Variants in LPIN2 observed in about 807,000 individuals in gnomAD.
LPIN2 encodes lipin 2.
LPIN2 carries 55 observed loss-of-function variants against 111.4 expected under a neutral mutation model. That is an observed-to-expected ratio of 0.49 (90% CI 0.40 to 0.62). The LOEUF (loss-of-function observed/expected upper bound fraction) is 0.62, where lower values mean the gene tolerates loss of function less well. Among genes scored for constraint, LPIN2 ranks in the 20% least tolerant of loss-of-function variants. The pLI, the probability that LPIN2 is intolerant of heterozygous loss-of-function variation, is 0.00. For missense variants in LPIN2, 992 were observed against 1,112.1 expected (o/e 0.89, Z 1.54); for synonymous variants, 425 against 414.0 (o/e 1.03, Z -0.32).
rs145740705 is a variant in LPIN2 at position 2,943,429 on chromosome 18, C to CGTGTGT, written c.591-2723_591-2718dup. 2.5e-3 allele frequency among the ~76,000 whole-genome samples: 360 copies of CGTGTGT among 142,250 alleles called. 1 individual carries two copies. The highest frequency in any genetic ancestry group is 7.7e-3 in the African/African-American group (307 of 39,640). 93.3% of individuals were successfully genotyped at this position (142,250 alleles called of 152,430 possible). On this transcript the variant is annotated intron_variant, in intron 4 of 19. Transcript: ENST00000677752. ...GTAACCAGACTAAATATAAAAGCTG[C>CGTGTGT]GTGTGTGTGTGTGTGTGTGTGTGTG... is the stretch of plus-strand genomic sequence containing the variant.
At chr18:2,971,313 G>C (rs1418536224) in intron 1 of LPIN2, among the ~76,000 whole-genome samples, 1 of 152,196 alleles carries the variant, frequency 6.6e-6, no homozygotes. Context: ...TGAATCCCCA[G>C]AGCACAAAGG....
rs116485090 is a variant in LPIN2 at position 2,923,927 on chromosome 18, G to C, written c.2088-66C>G. On this transcript the variant is annotated intron_variant, in intron 15 of 19. Transcript: ENST00000677752. Reference sequence around the variant, plus strand: ...AACACATACAGCGTTTTCCTATTTGGTTGACTATCAGCTGCCAATAACTAA... The same window carrying C: ...AACACATACAGCGTTTTCCTATTTGCTTGACTATCAGCTGCCAATAACTAA... 3,287 of 1,315,838 alleles carry C rather than the reference G, an allele frequency of 2.5e-3. 67 individuals are homozygous for C. In the African/African-American group the frequency reaches 0.04, roughly 16 times the overall value. The allele number at this position is 1,315,838 out of a possible 1,614,324, so 81.5% of individuals were successfully genotyped here. A position where few individuals can be genotyped will look rare whatever the true frequency, so the allele number is the denominator to read the frequency against.
intron 4 of LPIN2, among the ~76,000 whole-genome samples, chr18:2,945,393 T>TA (rs1212340125): frequency 2.0e-5 from 3 of 152,184 alleles, no homozygotes; most frequent in African/African-American, 7.2e-5. Context: ...CACAAAAAGA[T>TA]AAACTGACTT....
chr18:2,920,867 G>A lies in LPIN2; in HGVS notation c.2457C>T (p.Tyr819=). The A allele has an allele frequency of 6.2e-7, 1 of 1,612,812 alleles. No individual in the cohort carries two copies. Among genetic ancestry groups the A allele is most frequent in the Non-Finnish European group, 8.5e-7 (1 of 1,178,760 alleles). The change falls in exon 19 of 20, where the codon TAC becomes TAT. Residue 819 remains tyrosine (Y), a synonymous_variant. Transcript: ENST00000677752. The part of the protein sequence containing the change: ...FGNRPNDVYA[Y]TQVGVPDCRI... ...TACAGTCTGGAACTCCAACTTGTGT[G>A]TAGGCATAGACATCCTGCAGAAGAA...
chr18:2,940,462 T>C, intron 5 of LPIN2, 143 bp downstream of exon 5: 1 of 611,054 alleles, frequency 1.6e-6, no homozygotes, highest in Middle Eastern at 4.4e-4. Context: ...AGAGAAAAGA[T>C]TCATATTTAT....
chr18:3,000,973 G>C (rs73939705), intron 1 of LPIN2, among the ~76,000 whole-genome samples: 3 of 138,742 alleles, frequency 2.2e-5, no homozygotes, highest in African/African-American at 7.9e-5. Flanking sequence ...GGGAAAAAGA[G>C]GGGGGAGAGG....
At chr18:2,994,691 G>A (rs2078314688) in intron 1 of LPIN2, among the ~76,000 whole-genome samples, 1 of 152,108 alleles carries the variant, frequency 6.6e-6, no homozygotes, top group African/African-American at 2.4e-5. Context: ...TGCTTGGGAG[G>A]TGAGGAGTGT....
rs146616988 is a variant in LPIN2, at chr18:2,921,709, T to C, written c.2328-62A>G. The C allele has an allele frequency of 1.5e-5, 18 of 1,213,572 alleles. 1 individual carries two copies. The African/African-American group carries it at 2.5e-4, about 17-fold the overall frequency. The allele number at this position is 1,213,572 out of a possible 1,614,324, so 75.2% of individuals were successfully genotyped here. ...AATGGTCGTTTTCCCCAGTGAGTGG[T>C]CCTAAAATTTTAGTGCTCACAACCA... On this transcript the variant is annotated intron_variant, in intron 17 of 19. Transcript: ENST00000677752.
At chr18:2,938,178 A>G (rs1230794828) in intron 6 of LPIN2, 141 bp from the exon 7 acceptor site, 1 of 688,380 alleles carries the variant, frequency 1.5e-6, no homozygotes, top group African/African-American at 1.8e-5. Context: ...TAAAAATTCC[A>G]TAATAAAGTG....
intron 1 of LPIN2, among the ~76,000 whole-genome samples, chr18:3,001,724 G>C (rs890192524): frequency 2.6e-5 from 4 of 152,142 alleles, no homozygotes; most frequent in Non-Finnish European, 4.4e-5. Context: ...TCAGCTGTGA[G>C]AAAGAGAACT....
chr18:3,000,309 AG>A (rs1896807985), intron 1 of LPIN2, among the ~76,000 whole-genome samples: 1 of 152,184 alleles, frequency 6.6e-6, no homozygotes, highest in African/African-American at 2.4e-5. Context: ...AGGTAGGGAA[AG>A]GCAGGAGTTG....
chr18:2,928,941 C>T (rs1163879123), intron 10 of LPIN2, 124 bp downstream of exon 10: 32 of 731,750 alleles, frequency 4.4e-5, no homozygotes, highest in Non-Finnish European at 2.4e-5. Context: ...TCATTGCCCA[C>T]TGGCTAATTT....
rs565527369 is a variant in LPIN2 at position 2,941,389 on chromosome 18, C to T, written c.591-677G>A. On this transcript the variant is annotated intron_variant, in intron 4 of 19. Coordinates refer to ENST00000677752, the MANE Select transcript of LPIN2 (RefSeq NM_001375808.2). ...AATGCTTTTAAGATTCATAAAAGGA[C>T]CTTGGGTAGGGGGTTACACTACTGC... Among the ~76,000 whole-genome samples, 4 of 152,228 alleles carry T rather than the reference C, an allele frequency of 2.6e-5. No individual in the cohort carries two copies. In the East Asian group the frequency reaches 7.7e-4, roughly 29 times the overall value.
rs2076992065 is a variant in LPIN2 at position 2,917,817 on chromosome 18, C to T, written c.*2476G>A. 6.6e-6 allele frequency: 1 copy of T among 152,156 alleles called. No individual in the cohort carries two copies. The highest frequency in any genetic ancestry group is 1.5e-5 in the Non-Finnish European group (1 of 68,038). The allele number at this position is 152,156 out of a possible 1,614,324, so 9.4% of individuals were successfully genotyped here. A position where few individuals can be genotyped will look rare whatever the true frequency, so the allele number is the denominator to read the frequency against. ...ACTGCAAAGAGGGAAAGGGCCATTTCACCAATGGAGTAACTGAGAGAATAA... is the reference window on the plus strand; with the variant it reads ...ACTGCAAAGAGGGAAAGGGCCATTTTACCAATGGAGTAACTGAGAGAATAA... On this transcript the variant is annotated 3_prime_UTR_variant, in exon 20 of 20. Transcript: ENST00000677752.
At chr18:3,003,230 A>G (rs1040903006) in intron 1 of LPIN2, among the ~76,000 whole-genome samples, 6 of 152,236 alleles carry the variant, frequency 3.9e-5, no homozygotes, top group African/African-American at 1.4e-4. Flanking sequence ...CATTTATTCA[A>G]TTACACTAAG....
intron 1 of LPIN2, among the ~76,000 whole-genome samples, chr18:2,999,680 G>T (rs1354669866): frequency 6.6e-6 from 1 of 151,746 alleles, no homozygotes; most frequent in Admixed American, 6.6e-5. Flanking sequence ...TGAATATAAA[G>T]GCAGAGATTG....
At chr18:2,995,510 G>C (rs1365767906) in intron 1 of LPIN2, among the ~76,000 whole-genome samples, 1 of 152,116 alleles carries the variant, frequency 6.6e-6, no homozygotes, top group Non-Finnish European at 1.5e-5. Flanking sequence ...CACCTCTGAA[G>C]GCTACAATAA....
At chr18:2,956,474 G>A (rs1274685999) in intron 2 of LPIN2, among the ~76,000 whole-genome samples, 1 of 152,182 alleles carries the variant, frequency 6.6e-6, no homozygotes, top group Non-Finnish European at 1.5e-5. Context: ...TTCAATAAAA[G>A]GAACTGGCGT....
chr18:2,929,522 A>G (rs2144153083), intron 9 of LPIN2, among the ~76,000 whole-genome samples: 1 of 152,350 alleles, frequency 6.6e-6, no homozygotes, highest in East Asian at 1.9e-4. Flanking sequence ...TCTCAGAGGA[A>G]GAAACTTTAC....
Sources: allele counts gnomAD v4.1 joint callset (sites outside exome capture counted in the v4.1 genomes callset), GRCh38; gene constraint gnomAD v4.1.1; transcripts MANE v1.5; gene names NCBI Gene and HGNC (gene_info 2026-07-23, HGNC 2026-07-21).